The following TTBK2 variants were observed in gnomAD, a reference collection of about 807,000 sequenced individuals.
The protein encoded by TTBK2 is tau tubulin kinase 2, also known as tau-tubulin kinase 2.
In TTBK2, 28 loss-of-function variants were observed where a neutral mutation model predicts 110.8. The observed-to-expected ratio is 0.25, with a 90% CI of 0.19 to 0.35. TTBK2 has a LOEUF of 0.35. Among genes scored for constraint, TTBK2 ranks in the 10% least tolerant of loss-of-function variants. The pLI, the probability that TTBK2 is intolerant of heterozygous loss-of-function variation, is 1.00. For synonymous variants in TTBK2, 532 were observed against 527.3 expected, an observed-to-expected ratio of 1.01 and a Z score of -0.12; for missense variants, 1,369 against 1,500.3, an observed-to-expected ratio of 0.91 and a Z score of 1.45.
At position 42,784,380 on chromosome 15, in the gene TTBK2, C is replaced by T. The variant is rs1180568211; in HGVS notation, c.981-745G>A. ...GAAACCTCCACCTCTCGGATTCAAG[C>T]GATTCTCCTGCCTCAGCCTCCTGAG... On this transcript the variant is annotated intron_variant, in intron 10 of 14. Coordinates refer to ENST00000267890, the MANE Select transcript of TTBK2 (RefSeq NM_173500.4). 3.3e-5 allele frequency among the ~76,000 whole-genome samples: 5 copies of T among 152,012 alleles called. No homozygotes were observed. In the South Asian group the frequency reaches 8.3e-4, roughly 25 times the overall value.
At position 42,740,958 on chromosome 15, in the gene TTBK2, G is replaced by A. The variant is rs193043688; in HGVS notation, c.*4837C>T. 1.3e-5 allele frequency: 2 copies of A among 152,230 alleles called. No individual in the cohort carries two copies. The highest frequency in any genetic ancestry group is 4.1e-4 in the South Asian group (2 of 4,828). 9.4% of individuals were successfully genotyped at this position (152,230 alleles called of 1,614,324 possible). On this transcript the variant is annotated 3_prime_UTR_variant, in exon 15 of 15. Transcript: ENST00000267890. ...CAGTCAGGGATTTCTCAGAATTGAGGTGTGCAGCATCCAGATTCCCCTTTA... is the reference window on the plus strand; with the variant it reads ...CAGTCAGGGATTTCTCAGAATTGAGATGTGCAGCATCCAGATTCCCCTTTA...
Position 42,800,758 on chromosome 15 carries a change from T to TG in TTBK2, c.823-5958dup, listed in dbSNP as rs201597323. On this transcript the variant is annotated intron_variant, in intron 9 of 14. Coordinates refer to ENST00000267890, the MANE Select transcript of TTBK2 (RefSeq NM_173500.4). ...TGGCAGAGCTAGCCGAGGTTTATTT[T>TG]GGGAAAAAAAAAAAAAAGCAATTGA... Among the ~76,000 whole-genome samples, 1,063 of 149,538 alleles carry TG rather than the reference T, an allele frequency of 7.1e-3. 15 individuals carry two copies. Among genetic ancestry groups the TG allele is most frequent in the African/African-American group, 0.024 (994 of 40,696 alleles).
intron 7 of TTBK2, 137 bp from the exon 8 acceptor site, chr15:42,811,917 CATATAT>C (rs143101383): frequency 1.9e-6 from 1 of 523,248 alleles, no homozygotes; most frequent in African/African-American, 2.0e-5. Flanking sequence ...ATATGATAAA[CATATAT>C]ATATATATAA....
intron 6 of TTBK2, among the ~76,000 whole-genome samples, chr15:42,819,170 C>T (rs146324188): frequency 6.6e-6 from 1 of 150,484 alleles, no homozygotes; most frequent in African/African-American, 2.4e-5. Context: ...AGATAGTAAA[C>T]GTTATTTTAA....
chr15:42,802,646 G>C (rs189990752), intron 9 of TTBK2, among the ~76,000 whole-genome samples: 39 of 152,290 alleles, frequency 2.6e-4, no homozygotes, highest in African/African-American at 9.1e-4. Flanking sequence ...ATTAAGTCGG[G>C]TGTCACATAG....
intron 13 of TTBK2, among the ~76,000 whole-genome samples, chr15:42,759,284 T>C (rs1023819763): frequency 2.0e-5 from 3 of 152,236 alleles, no homozygotes; most frequent in Non-Finnish European, 4.4e-5. Flanking sequence ...CCTGAGGAGC[T>C]GACCCACCTT....
At chr15:42,818,600 G>A (rs1373299288) in intron 6 of TTBK2, among the ~76,000 whole-genome samples, 4 of 151,998 alleles carry the variant, frequency 2.6e-5, no homozygotes, top group Non-Finnish European at 4.4e-5. Flanking sequence ...GGTGCCTGTA[G>A]TCCCAGCTAC....
intron 13 of TTBK2, among the ~76,000 whole-genome samples, chr15:42,753,918 G>C (rs572985833): frequency 3.3e-4 from 50 of 151,826 alleles, no homozygotes; most frequent in Non-Finnish European, 6.3e-4. Flanking sequence ...TCCAGATACA[G>C]GATTACAGGA....
chr15:42,916,059 C>G (rs2031072063), intron 1 of TTBK2, among the ~76,000 whole-genome samples: 1 of 152,110 alleles, frequency 6.6e-6, no homozygotes, highest in Admixed American at 6.6e-5. Context: ...TCCTGTATGA[C>G]TAAATGATAA....
At chr15:42,917,474 C>T (rs982223447) in intron 1 of TTBK2, among the ~76,000 whole-genome samples, 2 of 151,968 alleles carry the variant, frequency 1.3e-5, no homozygotes, top group Non-Finnish European at 2.9e-5. Context: ...TTTAATGAGG[C>T]AGTTTTGAGT....
At chr15:42,798,537 C>A (rs1415456804) in intron 9 of TTBK2, among the ~76,000 whole-genome samples, 1 of 152,188 alleles carries the variant, frequency 6.6e-6, no homozygotes, top group African/African-American at 2.4e-5. Context: ...CAATGTGGCA[C>A]AGCTTCCTCA....
At chr15:42,824,439 G>T (rs1892442838) in intron 6 of TTBK2, among the ~76,000 whole-genome samples, 1 of 152,174 alleles carries the variant, frequency 6.6e-6, no homozygotes, top group South Asian at 2.1e-4. Context: ...ACTGGAGGAA[G>T]CTGGATGAAG....
intron 5 of TTBK2, among the ~76,000 whole-genome samples, chr15:42,829,195 T>C (rs1487800646): frequency 6.6e-6 from 1 of 152,136 alleles, no homozygotes; most frequent in Admixed American, 6.5e-5. Context: ...CAGAAATCGG[T>C]CATTTCACCT....
rs992903228 is a variant in TTBK2 at position 42,804,959 on chromosome 15, C to A, written c.822+5655G>T. Among the ~76,000 whole-genome samples, 18 of 152,282 alleles carry A rather than the reference C, an allele frequency of 1.2e-4. 1 individual carries two copies. The highest frequency in any genetic ancestry group is 8.5e-4 in the Admixed American group (13 of 15,298). Reference sequence around the variant, plus strand: ...CCCTCACCATAAAGCATGACTAAGCCAAAGGACAGGCAGAATCACAGACGT... The same window carrying A: ...CCCTCACCATAAAGCATGACTAAGCAAAAGGACAGGCAGAATCACAGACGT... On this transcript the variant is annotated intron_variant, in intron 9 of 14. Transcript: ENST00000267890.
Position 42,745,708 on chromosome 15 carries a change from AT to A in TTBK2, c.*86del. On this transcript the variant is annotated 3_prime_UTR_variant, in exon 15 of 15. Transcript: ENST00000267890. ...CTTTTGCAAGAGAAGATCAACACTG[AT>A]TTTTTTACATAGAAAGTACAGGGAC... 6.7e-7 allele frequency: 1 copy of A among 1,503,560 alleles called. No homozygotes were observed. The highest frequency in any genetic ancestry group is 9.2e-7 in the Non-Finnish European group (1 of 1,081,766). 93.1% of individuals were successfully genotyped at this position (1,503,560 alleles called of 1,614,324 possible). A position where few individuals can be genotyped will look rare whatever the true frequency, so the allele number is the denominator to read the frequency against.
intron 3 of TTBK2, among the ~76,000 whole-genome samples, chr15:42,862,516 A>T (rs958590327): frequency 1.3e-5 from 2 of 152,148 alleles, no homozygotes; most frequent in African/African-American, 2.4e-5. Context: ...TGCAAAAAAA[A>T]TTTTTCAATA....
rs1347120811 is a variant in TTBK2, at chr15:42,743,903, G to C, written c.*1892C>G. On this transcript the variant is annotated 3_prime_UTR_variant, in exon 15 of 15. Transcript: ENST00000267890. Reference sequence around the variant, plus strand: ...GTACATGAGGCACACAATAGAAAAGGAATTTCGCCATCTGTGATCTCGAAA... The same window carrying C: ...GTACATGAGGCACACAATAGAAAAGCAATTTCGCCATCTGTGATCTCGAAA... The C allele has an allele frequency of 1.3e-5, 2 of 152,096 alleles. No individual in the cohort carries two copies. The highest frequency in any genetic ancestry group is 2.9e-5 in the Non-Finnish European group (2 of 68,004). 9.4% of individuals were successfully genotyped at this position (152,096 alleles called of 1,614,324 possible).
At chr15:42,892,582 T>C (rs1405413928) in intron 1 of TTBK2, among the ~76,000 whole-genome samples, 1 of 150,848 alleles carries the variant, frequency 6.6e-6, no homozygotes, top group African/African-American at 2.4e-5. Flanking sequence ...GGCACTCATC[T>C]GTGGTCCCAG....
intron 10 of TTBK2, among the ~76,000 whole-genome samples, chr15:42,793,023 T>C (rs1049363138): frequency 8.5e-5 from 13 of 152,240 alleles, no homozygotes; most frequent in African/African-American, 3.1e-4. Context: ...ACAAAATTTC[T>C]GGACTGGCTC....
Sources: allele counts gnomAD v4.1 joint callset (sites outside exome capture counted in the v4.1 genomes callset), GRCh38; gene constraint gnomAD v4.1.1; transcripts MANE v1.5; gene names NCBI Gene and HGNC (gene_info 2026-07-23, HGNC 2026-07-21).